CERS3: variants seen among roughly 807,000 people sequenced by gnomAD.
CERS3 encodes ceramide synthase 3, also known as LAG1 homolog, ceramide synthase 3.
Under a neutral mutation model 50.3 loss-of-function variants are expected in CERS3, and 33 were observed. That is an observed-to-expected ratio of 0.66 (90% CI 0.50 to 0.88). The LOEUF is 0.88. Among genes scored for constraint, CERS3 ranks in the 40% least tolerant of loss-of-function variants. The probability of loss-of-function intolerance (pLI) is 0.00; values close to 1 mark genes in which losing one functional copy is unlikely to be tolerated. For missense variants in CERS3, 470 were observed against 460.3 expected, an observed-to-expected ratio of 1.02 and a Z score of -0.19; for synonymous variants, 176 against 155.2, an observed-to-expected ratio of 1.13 and a Z score of -0.99.
At chr15:100,487,474 C>T (rs1251694295) in intron 4 of CERS3, among the ~76,000 whole-genome samples, 1 of 152,252 alleles carries the variant, frequency 6.6e-6, no homozygotes, top group Non-Finnish European at 1.5e-5. Context: ...CATCTCCACA[C>T]AGAAAGTCGG....
intron 11 of CERS3, among the ~76,000 whole-genome samples, chr15:100,404,273 T>C (rs12905817): frequency 0.51 from 78,161 of 152,020 alleles, 20,699 homozygotes; most frequent in Middle Eastern, 0.59. Flanking sequence ...ACCAAATTTG[T>C]AGAAATTTGT....
chr15:100,501,798 G>A lies in CERS3; in HGVS notation c.52C>T (p.Pro18Ser), dbSNP rs1239201822. Residue 18 changes from proline to serine, a missense_variant, in exon 3 of 12, where the codon CCA becomes TCA. By Grantham distance (74) the Pro-to-Ser change is moderately conservative. Coordinates refer to ENST00000679737, the MANE Select transcript of CERS3 (RefSeq NM_001378789.1). ...TCAAGATCTGACCACTTTATTGTTG[G>A]AGGAAGCCAGAATCTTTCCAACCAG... ...WFWLERFWLP[P>S]TIKWSDLEDH... 1.2e-6 allele frequency: 2 copies of A among 1,614,026 alleles called. No homozygotes were observed. The highest frequency in any genetic ancestry group is 1.3e-5 in the African/African-American group (1 of 74,930).
intron 5 of CERS3, among the ~76,000 whole-genome samples, chr15:100,483,808 T>G: frequency 8.1e-6 from 1 of 123,178 alleles, no homozygotes; most frequent in Non-Finnish European, 1.7e-5. Flanking sequence ...TGAGACAGAG[T>G]CTTGCTCTGT....
chr15:100,445,968 G>GCTCATC (rs1055492474), intron 11 of CERS3, among the ~76,000 whole-genome samples: 1 of 152,030 alleles, frequency 6.6e-6, no homozygotes, highest in African/African-American at 2.4e-5. Context: ...CCTTCTCCTG[G>GCTCATC]CTCATCCTGG....
chr15:100,500,948 T>A (rs2035978536), intron 3 of CERS3, among the ~76,000 whole-genome samples: 1 of 152,252 alleles, frequency 6.6e-6, no homozygotes, highest in South Asian at 2.1e-4. Context: ...ATATTCTCTT[T>A]GCTCCAAATA....
intron 11 of CERS3, among the ~76,000 whole-genome samples, chr15:100,405,365 T>C (rs2030933284): frequency 6.6e-6 from 1 of 151,978 alleles, no homozygotes; most frequent in African/African-American, 2.4e-5. Flanking sequence ...CATTAGTCAT[T>C]AGGAAAATGC....
At chr15:100,501,911 T>C in intron 2 of CERS3, 61 bp from the exon 3 acceptor site, 2 of 1,550,500 alleles carry the variant, frequency 1.3e-6, no homozygotes, top group South Asian at 1.2e-5. Flanking sequence ...AGGATAACAT[T>C]GATCACCTTG....
chr15:100,436,634 A>AAAAT (rs919541278), intron 11 of CERS3, among the ~76,000 whole-genome samples: 126 of 152,288 alleles, frequency 8.3e-4, no homozygotes, highest in African/African-American at 1.5e-3. Context: ...AGCTTAAAGT[A>AAAAT]AAATAAATAA....
chr15:100,465,179 T>C (rs569398125), intron 10 of CERS3, among the ~76,000 whole-genome samples: 2 of 152,098 alleles, frequency 1.3e-5, no homozygotes, highest in Admixed American at 6.5e-5. Flanking sequence ...ACAGAGCAAC[T>C]AGATTGCAAA....
At chr15:100,410,609 G>A (rs372630637) in intron 11 of CERS3, among the ~76,000 whole-genome samples, 4 of 152,134 alleles carry the variant, frequency 2.6e-5, no homozygotes, top group Non-Finnish European at 4.4e-5. Context: ...TCCCTAAAGC[G>A]ATAGACGCAC....
At chr15:100,476,997 G>T (rs1444418713) in intron 7 of CERS3, among the ~76,000 whole-genome samples, 1 of 152,206 alleles carries the variant, frequency 6.6e-6, no homozygotes, top group East Asian at 1.9e-4. Flanking sequence ...CCAATGCTAT[G>T]AATGACGTCA....
At chr15:100,432,876 C>A (rs372034228) in intron 11 of CERS3, among the ~76,000 whole-genome samples, 15 of 152,226 alleles carry the variant, frequency 9.9e-5, no homozygotes, top group African/African-American at 3.6e-4. Flanking sequence ...TGCTGCTCTG[C>A]GGAGCTCTCC....
intron 7 of CERS3, among the ~76,000 whole-genome samples, chr15:100,476,568 T>C (rs1202268145): frequency 6.6e-6 from 1 of 152,236 alleles, no homozygotes; most frequent in East Asian, 1.9e-4. Flanking sequence ...TGAATATTAC[T>C]CAAAATCTGA....
chr15:100,516,944 G>A (rs562001438), intron 2 of CERS3, among the ~76,000 whole-genome samples: 59 of 152,288 alleles, frequency 3.9e-4, no homozygotes, highest in Admixed American at 6.5e-5. Flanking sequence ...AGGACCTAGC[G>A]ACCTGCTAAT....
At chr15:100,530,956 C>T (rs1281516405), upstream of CERS3, among the ~76,000 whole-genome samples, 2 of 151,848 alleles carry the variant, frequency 1.3e-5, no homozygotes, top group African/African-American at 2.4e-5. Flanking sequence ...TGGTGGTGGG[C>T]GCCTGTAATC....
rs756422374 is a variant in CERS3, at chr15:100,484,532, T to C, written c.407+18A>G. The C allele has an allele frequency of 6.5e-7, 1 of 1,531,534 alleles. No individual in the cohort carries two copies. The highest frequency in any genetic ancestry group is 1.1e-5 in the South Asian group (1 of 89,400). The allele number at this position is 1,531,534 out of a possible 1,614,324, so 94.9% of individuals were successfully genotyped here. A position where few individuals can be genotyped will look rare whatever the true frequency, so the allele number is the denominator to read the frequency against. Reference sequence around the variant, plus strand: ...GATAGGACGGCAGCATTCCTAAAGCTTGGCCCATCCTCCTTACCAAGCTTC... The same window carrying C: ...GATAGGACGGCAGCATTCCTAAAGCCTGGCCCATCCTCCTTACCAAGCTTC... On this transcript the variant is annotated intron_variant, in intron 5 of 11. Transcript: ENST00000679737.
At chr15:100,424,143 G>A (rs542523925) in intron 11 of CERS3, among the ~76,000 whole-genome samples, 17 of 152,142 alleles carry the variant, frequency 1.1e-4, no homozygotes, top group Middle Eastern at 6.8e-3. Context: ...GTTTCTCCAC[G>A]TTGGTCAGGC....
At chr15:100,445,377 G>T (rs914661937) in intron 11 of CERS3, among the ~76,000 whole-genome samples, 1 of 151,520 alleles carries the variant, frequency 6.6e-6, no homozygotes, top group Admixed American at 6.6e-5. Flanking sequence ...TCCCCAAACC[G>T]CCACTCTTAA....
intron 11 of CERS3, among the ~76,000 whole-genome samples, chr15:100,423,504 AAATT>A (rs1469825661): frequency 6.6e-6 from 1 of 152,206 alleles, no homozygotes; most frequent in Non-Finnish European, 1.5e-5. Flanking sequence ...TATCCCAAGT[AAATT>A]AATGCAGGAG....
Sources: allele counts gnomAD v4.1 joint callset (sites outside exome capture counted in the v4.1 genomes callset), GRCh38; gene constraint gnomAD v4.1.1; transcripts MANE v1.5; gene names NCBI Gene and HGNC (gene_info 2026-07-23, HGNC 2026-07-21).